Variants in SYNPR observed in about 807,000 individuals in gnomAD.
SYNPR encodes synaptoporin.
SYNPR carries 23 observed loss-of-function variants against 32.9 expected under a neutral mutation model. That is an observed-to-expected ratio of 0.70 (90% CI 0.50 to 0.99). The LOEUF is 0.99. Ranked by LOEUF, SYNPR falls within the 50% of genes least tolerant of loss-of-function variation. The pLI is 0.00. For missense variants in SYNPR, 318 were observed against 349.3 expected (o/e 0.91, Z 0.71); for synonymous variants, 146 against 135.9 (o/e 1.07, Z -0.52).
chr3:63,293,791 G>C (rs967773784), intron 2 of SYNPR, among the ~76,000 whole-genome samples: 2 of 152,088 alleles, frequency 1.3e-5, no homozygotes, highest in Non-Finnish European at 2.9e-5. Flanking sequence ...TACTGTGTGT[G>C]TGTGTGTGTG....
At chr3:63,272,126 G>A (rs142613946) in intron 3 of SYNPR, among the ~76,000 whole-genome samples, 2 of 152,212 alleles carry the variant, frequency 1.3e-5, no homozygotes, top group Middle Eastern at 3.4e-3. Flanking sequence ...CATTGCTGTC[G>A]GTCATATTTC....
At chr3:63,595,879 ATATATATATAGTTT>A (rs1338373348) in intron 4 of SYNPR, among the ~76,000 whole-genome samples, 5 of 74,746 alleles carry the variant, frequency 6.7e-5, no homozygotes, top group East Asian at 3.1e-4. Context: ...ATATAATTTT[ATATATATATAGTTT>A]TATATATATA....
chr3:63,260,325 A>G (rs1014640686), intron 2 of SYNPR, among the ~76,000 whole-genome samples: 1 of 152,184 alleles, frequency 6.6e-6, no homozygotes, highest in African/African-American at 2.4e-5. Context: ...AAACTATACT[A>G]CAAGGCCACA....
chr3:63,280,061 G>A (rs1388165546), intron 2 of SYNPR, among the ~76,000 whole-genome samples: 1 of 152,114 alleles, frequency 6.6e-6, no homozygotes, highest in African/African-American at 2.4e-5. Context: ...GTGAAGTAGT[G>A]GCCTTTAGGG....
chr3:63,271,871 A>C (rs1406193386), intron 3 of SYNPR, among the ~76,000 whole-genome samples: 1 of 152,148 alleles, frequency 6.6e-6, no homozygotes, highest in Non-Finnish European at 1.5e-5. Context: ...GTATCCGTAC[A>C]TCCCCCAAAA....
At chr3:63,347,341 A>G (rs1320536496) in intron 2 of SYNPR, among the ~76,000 whole-genome samples, 1 of 152,198 alleles carries the variant, frequency 6.6e-6, no homozygotes, top group Non-Finnish European at 1.5e-5. Flanking sequence ...AGAATTTTCT[A>G]TGTGATTTTT....
intron 2 of SYNPR, among the ~76,000 whole-genome samples, chr3:63,455,288 C>A (rs181709322): frequency 1.3e-5 from 2 of 152,176 alleles, no homozygotes; most frequent in East Asian, 3.9e-4. Flanking sequence ...AATTAGAATA[C>A]CACTGGGCTT....
intron 3 of SYNPR, among the ~76,000 whole-genome samples, chr3:63,483,624 T>C (rs1447009344): frequency 6.6e-6 from 1 of 152,144 alleles, no homozygotes; most frequent in Non-Finnish European, 1.5e-5. Context: ...AAAACGCTCT[T>C]TAAAAATGAG....
At chr3:63,393,143 T>A (rs1357802457) in intron 2 of SYNPR, among the ~76,000 whole-genome samples, 1 of 152,222 alleles carries the variant, frequency 6.6e-6, no homozygotes, top group Non-Finnish European at 1.5e-5. Flanking sequence ...AAGCACTCAT[T>A]GAAAAAGTTG....
intron 4 of SYNPR, among the ~76,000 whole-genome samples, chr3:63,608,261 A>G (rs1163498839): frequency 6.6e-6 from 1 of 152,086 alleles, no homozygotes; most frequent in East Asian, 1.9e-4. Flanking sequence ...TACATCCTAG[A>G]AATTTCGTTT....
At chr3:63,449,949 TCA>T (rs140934737) in intron 2 of SYNPR, among the ~76,000 whole-genome samples, 2,350 of 152,270 alleles carry the variant, frequency 0.015, 65 homozygotes, top group African/African-American at 0.053. Context: ...GAACCTGGAT[TCA>T]CACTCACATG....
In SYNPR at chr3:63,362,744, C is replaced by T. The variant is rs76575299; in HGVS notation, c.84+84002C>T. Among the ~76,000 whole-genome samples, 155 of 152,136 alleles carry T rather than the reference C, an allele frequency of 1.0e-3. 1 individual carries two copies. Among genetic ancestry groups the T allele is most frequent in the Non-Finnish European group, 2.9e-4 (20 of 68,026 alleles). On this transcript the variant is annotated intron_variant, in intron 2 of 5. Transcript: ENST00000478300. ...TAGGAAAGGCTTCCATGAGAAGAGG[C>T]CTTTCATGCTGACACTGAAATAATG...
At chr3:63,461,942 T>G (rs1270685495) in intron 2 of SYNPR, among the ~76,000 whole-genome samples, 1 of 152,094 alleles carries the variant, frequency 6.6e-6, no homozygotes, top group Admixed American at 6.6e-5. Context: ...ATTATAAGTA[T>G]TTTATTATTA....
At chr3:63,426,350 C>T (rs1442738825) in intron 2 of SYNPR, among the ~76,000 whole-genome samples, 1 of 152,094 alleles carries the variant, frequency 6.6e-6, no homozygotes, top group Non-Finnish European at 1.5e-5. Context: ...GGAACTGTCA[C>T]CAGTAACCTG....
At chr3:63,229,653 G>A (rs546044046) in intron 1 of SYNPR, among the ~76,000 whole-genome samples, 16 of 152,150 alleles carry the variant, frequency 1.1e-4, no homozygotes, top group Admixed American at 2.0e-4. Flanking sequence ...CCATACTGAA[G>A]TTTATGAGAC....
rs543940582 is a variant in SYNPR, at chr3:63,232,427, T to C, written n.66+4047T>C. On this transcript the variant is annotated intron_variant and non_coding_transcript_variant, in intron 1 of 4. Transcript: ENST00000478456. The stretch of plus-strand genomic sequence containing the variant: ...CATGTTGGCCAGGCTGGTCTCGAGC[T>C]CTTGACCTCAAGTGATCCGCCTTCC... Among the ~76,000 whole-genome samples, 397 of 152,264 alleles carry C rather than the reference T, an allele frequency of 2.6e-3. 3 individuals carry two copies. Among genetic ancestry groups the C allele is most frequent in the Non-Finnish European group, 4.0e-3 (272 of 68,022 alleles).
intron 2 of SYNPR, among the ~76,000 whole-genome samples, chr3:63,437,715 T>C (rs1487172745): frequency 6.6e-6 from 1 of 151,974 alleles, no homozygotes; most frequent in Non-Finnish European, 1.5e-5. Context: ...GCTGTAAGTA[T>C]GGAGAGGGCC....
intron 2 of SYNPR, among the ~76,000 whole-genome samples, chr3:63,434,460 A>G (rs745995191): frequency 6.6e-6 from 1 of 152,222 alleles, no homozygotes. Flanking sequence ...TCAGTTGGCT[A>G]TGACACCCCC....
At chr3:63,521,055 A>C (rs1361569430) in intron 3 of SYNPR, among the ~76,000 whole-genome samples, 4 of 152,188 alleles carry the variant, frequency 2.6e-5, no homozygotes, top group Non-Finnish European at 5.9e-5. Flanking sequence ...GTAGAGTGTT[A>C]TGCCTGAAAA....
Sources: allele counts gnomAD v4.1 joint callset (sites outside exome capture counted in the v4.1 genomes callset), GRCh38; gene constraint gnomAD v4.1.1; transcripts MANE v1.5; gene names NCBI Gene and HGNC (gene_info 2026-07-23, HGNC 2026-07-21).